Variants in SPECC1 observed in about 807,000 individuals in gnomAD.
SPECC1 encodes sperm antigen with calponin homology and coiled-coil domains 1.
A neutral mutation model predicts 104.1 loss-of-function variants in SPECC1; 62 were observed. That is an observed-to-expected ratio of 0.60 (90% CI 0.49 to 0.74). SPECC1 has a LOEUF of 0.74. Among genes scored for constraint, SPECC1 ranks in the 30% least tolerant of loss-of-function variants. The pLI, the probability that SPECC1 is intolerant of heterozygous loss-of-function variation, is 0.00. For synonymous variants in SPECC1, 513 were observed against 501.6 expected, an observed-to-expected ratio of 1.02 and a Z score of -0.30; for missense variants, 1,306 against 1,310.5, an observed-to-expected ratio of 1.00 and a Z score of 0.05.
intron 1 of SPECC1, among the ~76,000 whole-genome samples, chr17:20,046,012 T>TAAA (rs11327439): frequency 6.9e-6 from 1 of 144,160 alleles, no homozygotes; most frequent in Admixed American, 6.9e-5. Context: ...TATACCTTTC[T>TAAA]AAAAAAAAAA....
chr17:20,076,445 C>T (rs1224430021), intron 1 of SPECC1, among the ~76,000 whole-genome samples: 1 of 152,216 alleles, frequency 6.6e-6, no homozygotes, highest in African/African-American at 2.4e-5. Context: ...AGTGATCTGC[C>T]TGCCTTGGCC....
intron 1 of SPECC1, among the ~76,000 whole-genome samples, chr17:20,051,088 CTTTCTTTCT>C (rs2152461090): frequency 1.1e-5 from 1 of 91,174 alleles, no homozygotes; most frequent in East Asian, 3.4e-4. Context: ...TTCTTTCTTT[CTTTCTTTCT>C]TTCTTTCTTT....
chr17:20,310,819 A>C (rs574405247), intron 14 of SPECC1, among the ~76,000 whole-genome samples: 2 of 152,360 alleles, frequency 1.3e-5, no homozygotes, highest in East Asian at 1.9e-4. Flanking sequence ...AGCTGTGCTT[A>C]AATAGCTAAT....
At chr17:20,211,699 T>C (rs1334227397) in intron 4 of SPECC1, among the ~76,000 whole-genome samples, 1 of 152,226 alleles carries the variant, frequency 6.6e-6, no homozygotes, top group East Asian at 1.9e-4. Context: ...GGCAGAAGTT[T>C]GGTGGAGACA....
intron 12 of SPECC1, among the ~76,000 whole-genome samples, chr17:20,266,011 G>C (rs146881054): frequency 1.3e-5 from 2 of 152,290 alleles, no homozygotes; most frequent in African/African-American, 4.8e-5. Flanking sequence ...GGCAATGCGA[G>C]TCTCCAGCTT....
intron 2 of SPECC1, among the ~76,000 whole-genome samples, chr17:20,104,242 A>C (rs1160306917): frequency 6.6e-6 from 1 of 152,200 alleles, no homozygotes; most frequent in Non-Finnish European, 1.5e-5. Flanking sequence ...CAGTCAGTGC[A>C]GGATCGTGAA....
intron 3 of SPECC1, among the ~76,000 whole-genome samples, chr17:20,201,093 G>T (rs1832774786): frequency 6.6e-6 from 1 of 151,992 alleles, no homozygotes; most frequent in Non-Finnish European, 1.5e-5. Context: ...ACTGTAGCTG[G>T]AAATAACAGC....
chr17:20,114,278 G>A lies in SPECC1; in HGVS notation c.283+3716G>A, dbSNP rs761326918. On this transcript the variant is annotated intron_variant, in intron 3 of 14. Transcript: ENST00000395527. ...GCAATCTTGGCTCACTGCAACCTCC[G>A]CCTCCTGGGTTCAAGCGATTCTCCT... Among the ~76,000 whole-genome samples the A allele has an allele frequency of 1.9e-4, 29 of 152,094 alleles. 1 individual carries two copies. Among genetic ancestry groups the A allele is most frequent in the African/African-American group, 5.5e-4 (23 of 41,506 alleles).
At chr17:20,122,162 T>A (rs947646720) in intron 3 of SPECC1, among the ~76,000 whole-genome samples, 1 of 151,728 alleles carries the variant, frequency 6.6e-6, no homozygotes, top group Non-Finnish European at 1.5e-5. Context: ...GAACAAGCAG[T>A]TGGGGAGGAG....
intron 13 of SPECC1, among the ~76,000 whole-genome samples, chr17:20,303,125 TGTTTGGC>T (rs2041647867): frequency 6.6e-6 from 1 of 152,126 alleles, no homozygotes; most frequent in African/African-American, 2.4e-5. Context: ...TAGAAAGCAA[TGTTTGGC>T]ATTACATATT....
chr17:20,094,998 A>G (rs1007882003), intron 1 of SPECC1, among the ~76,000 whole-genome samples: 1 of 152,256 alleles, frequency 6.6e-6, no homozygotes, highest in Non-Finnish European at 1.5e-5. Flanking sequence ...AGTCAGACTG[A>G]CAGGTTGCTG....
Position 20,296,626 on chromosome 17 carries a change from C to T in SPECC1, c.2941-335C>T, listed in dbSNP as rs527453013. On this transcript the variant is annotated intron_variant, in intron 12 of 14. Transcript: ENST00000395527. ...TTACCTTGGGTAGTATGGCCATTTTCATGATATTGATTCTTCCTATCCATG... is the reference window on the plus strand; with the variant it reads ...TTACCTTGGGTAGTATGGCCATTTTTATGATATTGATTCTTCCTATCCATG... Among the ~76,000 whole-genome samples the T allele has an allele frequency of 2.7e-3, 411 of 152,288 alleles. 1 individual carries two copies. The highest frequency in any genetic ancestry group is 8.5e-3 in the African/African-American group (355 of 41,548).
At chr17:20,289,800 A>G (rs1354885735) in intron 12 of SPECC1, among the ~76,000 whole-genome samples, 5 of 152,158 alleles carry the variant, frequency 3.3e-5, no homozygotes, top group Admixed American at 3.3e-4. Context: ...CCACTCTGAG[A>G]TGAAAGGGAA....
At chr17:20,061,711 T>C (rs904433366) in intron 1 of SPECC1, among the ~76,000 whole-genome samples, 4 of 152,240 alleles carry the variant, frequency 2.6e-5, no homozygotes, top group African/African-American at 9.6e-5. Flanking sequence ...AATTTTTTAA[T>C]GTTTTCTATA....
intron 1 of SPECC1, among the ~76,000 whole-genome samples, chr17:20,089,904 C>T (rs2047330776): frequency 1.3e-5 from 2 of 152,152 alleles, no homozygotes; most frequent in South Asian, 4.1e-4. Context: ...AAGAGAAAGG[C>T]TGTGCCGATG....
chr17:20,216,894 G>GGT (rs2037526361), intron 4 of SPECC1, among the ~76,000 whole-genome samples: 1 of 152,000 alleles, frequency 6.6e-6, no homozygotes, highest in South Asian at 2.1e-4. Flanking sequence ...CATGTTGGGT[G>GGT]GTCTCCCTGT....
At chr17:20,079,746 C>T (rs772418942) in intron 1 of SPECC1, among the ~76,000 whole-genome samples, 9 of 152,088 alleles carry the variant, frequency 5.9e-5, no homozygotes, top group Admixed American at 2.6e-4. Context: ...CAGGGACCTA[C>T]GCATGGGTTG....
At chr17:20,125,319 T>C (rs1318489311) in intron 3 of SPECC1, among the ~76,000 whole-genome samples, 1 of 152,220 alleles carries the variant, frequency 6.6e-6, no homozygotes, top group East Asian at 1.9e-4. Context: ...CATGTTTGCA[T>C]CACCTTAAGG....
At chr17:20,236,552 G>A (rs2038923033) in intron 7 of SPECC1, among the ~76,000 whole-genome samples, 1 of 152,032 alleles carries the variant, frequency 6.6e-6, no homozygotes, top group African/African-American at 2.4e-5. Context: ...TGTAAATTCT[G>A]GAGGGGCCTA....
Sources: allele counts gnomAD v4.1 joint callset (sites outside exome capture counted in the v4.1 genomes callset), GRCh38; gene constraint gnomAD v4.1.1; transcripts MANE v1.5; gene names NCBI Gene and HGNC (gene_info 2026-07-23, HGNC 2026-07-21).